Variants in CHID1 observed in about 807,000 individuals in gnomAD.
The protein encoded by CHID1 is chitinase domain containing 1, also known as chitinase domain-containing protein 1.
In CHID1, 44 loss-of-function variants were observed where a neutral mutation model predicts 55.4. That is an observed-to-expected ratio of 0.79 (90% CI 0.62 to 1.02). The LOEUF (loss-of-function observed/expected upper bound fraction) is 1.02, where lower values mean the gene tolerates loss of function less well. CHID1 is among the 50% of genes least tolerant of loss of function. CHID1 has a pLI of 0.00. For synonymous variants in CHID1, 216 were observed against 212.9 expected (o/e 1.01, Z -0.13); for missense variants, 491 against 515.3 (o/e 0.95, Z 0.46).
chr11:877,123 A>G (rs1056531340), intron 10 of CHID1, among the ~76,000 whole-genome samples: 2 of 152,172 alleles, frequency 1.3e-5, no homozygotes, highest in African/African-American at 4.8e-5. Flanking sequence ...ACAGACCCCA[A>G]CTTGTGCAAA....
At chr11:871,833 C>T (rs1259161308) in intron 10 of CHID1, among the ~76,000 whole-genome samples, 4 of 152,196 alleles carry the variant, frequency 2.6e-5, no homozygotes, top group African/African-American at 4.8e-5. Flanking sequence ...GACCGCACCT[C>T]GAGCCACCTT....
intron 6 of CHID1, among the ~76,000 whole-genome samples, chr11:899,716 C>T (rs1000295247): frequency 2.0e-5 from 3 of 152,342 alleles, no homozygotes; most frequent in Middle Eastern, 6.8e-3. Context: ...AGGGCTGGGT[C>T]CCCTCCCAGG....
intron 10 of CHID1, among the ~76,000 whole-genome samples, chr11:873,559 C>T (rs1390384340): frequency 6.6e-6 from 1 of 151,944 alleles, no homozygotes; most frequent in Non-Finnish European, 1.5e-5. Context: ...GTGCAGGGAG[C>T]ACTGCAGGAG....
At chr11:893,883 G>A (rs1353230317) in intron 7 of CHID1, among the ~76,000 whole-genome samples, 1 of 151,642 alleles carries the variant, frequency 6.6e-6, no homozygotes, top group Admixed American at 6.6e-5. Context: ...GGTAATCCCA[G>A]CACCTTGGGA....
chr11:887,681 C>T (rs925626309), intron 8 of CHID1, among the ~76,000 whole-genome samples: 1 of 152,240 alleles, frequency 6.6e-6, no homozygotes, highest in African/African-American at 2.4e-5. Flanking sequence ...CCAACCCCTC[C>T]CCTGTGCCCA....
rs11541325 is a variant in CHID1, at chr11:893,469, C to A, written c.659G>T (p.Arg220Leu). The change falls in exon 8 of 13, where the codon CGG (arginine) becomes CTG (leucine). Residue 220 changes from arginine (R) to leucine (L), a missense_variant. Transcript: ENST00000323578. ...THLAEALHQA[R>L]LLALLVIPPA... ...CGGGATGACCAGGAGGGCCAGCAGC[C>A]GGGCCTGGTGCAGAGCCTCGGCCAA... 1.3e-6 allele frequency: 2 copies of A among 1,551,776 alleles called. No homozygotes were observed. Among genetic ancestry groups the A allele is most frequent in the Admixed American group, 3.9e-5 (2 of 50,968 alleles).
chr11:908,457 G>C (rs1852398177), intron 1 of CHID1: 1 of 413,046 alleles, frequency 2.4e-6, no homozygotes, highest in Non-Finnish European at 3.3e-6. Context: ...CTGCAGCTGA[G>C]GCTTGGTCTG....
rs578249307 is a variant in CHID1, at chr11:899,999, C to T, written c.546+5G>A. ...TCAGAGGCTGGAGCAGCACACAGGTCTCACCTTTGCCACCTGGACCACGGT... is the reference window on the plus strand; with the variant it reads ...TCAGAGGCTGGAGCAGCACACAGGTTTCACCTTTGCCACCTGGACCACGGT... On this transcript the variant is annotated splice_donor_5th_base_variant and intron_variant, in intron 6 of 12. Coordinates refer to ENST00000323578, the MANE Select transcript of CHID1 (RefSeq NM_023947.4). 2 of 1,607,170 alleles carry T rather than the reference C, an allele frequency of 1.2e-6. No individual in the cohort carries two copies. Among genetic ancestry groups the T allele is most frequent in the East Asian group, 2.2e-5 (1 of 44,834 alleles).
At chr11:885,327 T>C (rs1850310490) in intron 8 of CHID1, among the ~76,000 whole-genome samples, 1 of 152,202 alleles carries the variant, frequency 6.6e-6, no homozygotes, top group Non-Finnish European at 1.5e-5. Context: ...TGTGCAGTTT[T>C]ATCCCAGCCC....
intron 3 of CHID1, among the ~76,000 whole-genome samples, chr11:902,637 C>G (rs1851902041): frequency 6.6e-6 from 1 of 150,954 alleles, no homozygotes; most frequent in Admixed American, 6.7e-5. Context: ...GAAGAGGAGG[C>G]TGGGTGTGAG....
At chr11:915,014 C>T (rs897711966), upstream of CHID1, 19 of 163,166 alleles carry the variant, frequency 1.2e-4, no homozygotes, top group South Asian at 2.8e-3. Context: ...TTGAAACATT[C>T]TAGTTCAGAG....
At chr11:888,819 C>T (rs1022107828) in intron 8 of CHID1, among the ~76,000 whole-genome samples, 3 of 151,596 alleles carry the variant, frequency 2.0e-5, no homozygotes, top group Non-Finnish European at 2.9e-5. Context: ...GACTGGACCC[C>T]GGGCCCACAC....
In CHID1 at chr11:875,427, C is replaced by T. The variant is rs1028328127; in HGVS notation, c.960-4928G>A. 9.9e-5 allele frequency among the ~76,000 whole-genome samples: 15 copies of T among 152,258 alleles called. No homozygotes were observed. Among genetic ancestry groups the T allele is most frequent in the Non-Finnish European group, 1.9e-4 (13 of 68,042 alleles). On this transcript the variant is annotated intron_variant, in intron 10 of 12. Coordinates refer to ENST00000323578, the MANE Select transcript of CHID1 (RefSeq NM_023947.4). This position sits in a 1 kb window ranked among gnomAD's most constrained non-coding sequence, Gnocchi z 4.7. ...GCCAGCCAGTCCCTGCACCTGGCCC[C>T]ATTGGGGATGTGCTCAGGAGCTGCT...
chr11:913,794 G>C (rs759083750), upstream of CHID1, among the ~76,000 whole-genome samples: 8 of 151,388 alleles, frequency 5.3e-5, no homozygotes, highest in Admixed American at 1.3e-4. Context: ...GCCAGGCACA[G>C]TGGCACATGC....
At chr11:880,977 G>A (rs1849873865) in intron 10 of CHID1, among the ~76,000 whole-genome samples, 1 of 152,216 alleles carries the variant, frequency 6.6e-6, no homozygotes, top group Admixed American at 6.5e-5. Flanking sequence ...CCCACAGGAA[G>A]GCAGCATAAT....
At chr11:888,449 C>T (rs557188965) in intron 8 of CHID1, among the ~76,000 whole-genome samples, 3 of 152,368 alleles carry the variant, frequency 2.0e-5, no homozygotes, top group South Asian at 2.1e-4. Context: ...CACCCAGACA[C>T]ATGCGAGAGC....
intron 10 of CHID1, among the ~76,000 whole-genome samples, chr11:872,146 A>G (rs1849220089): frequency 6.6e-6 from 1 of 152,258 alleles, no homozygotes; most frequent in Non-Finnish European, 1.5e-5. Flanking sequence ...CAACCCAGAC[A>G]GTTTCCCTTA....
In CHID1 at chr11:869,920, C is replaced by T; in HGVS notation, c.1120G>A (p.Gly374Ser). 6.2e-7 allele frequency: 1 copy of T among 1,612,838 alleles called. No individual in the cohort carries two copies. ...QVRLELAREL[G>S]VGVSIWELGQ... ...AGCTCCCAGATAGAGACCCCAACGCCCAGCTCCCGGGCCAGCTCCAGCCGC... is the reference window on the plus strand; with the variant it reads ...AGCTCCCAGATAGAGACCCCAACGCTCAGCTCCCGGGCCAGCTCCAGCCGC... Residue 374 changes from glycine to serine, a missense_variant, in exon 13 of 13, where the codon GGC becomes AGC. By Grantham distance (56) the Gly-to-Ser change is moderately conservative. Transcript: ENST00000323578.
intron 7 of CHID1, among the ~76,000 whole-genome samples, chr11:896,718 C>T (rs11246339): frequency 9.0e-6 from 1 of 111,466 alleles, no homozygotes; most frequent in African/African-American, 3.2e-5. Flanking sequence ...CCAGCCTCCA[C>T]CCCAGACGTG....
Sources: allele counts gnomAD v4.1 joint callset (sites outside exome capture counted in the v4.1 genomes callset), GRCh38; gene constraint gnomAD v4.1.1; non-coding constraint Gnocchi (gnomAD v3.1); transcripts MANE v1.5; gene names NCBI Gene and HGNC (gene_info 2026-07-23, HGNC 2026-07-21).